The following ADAMTS16 variants were observed in gnomAD, a reference collection of about 807,000 sequenced individuals.
ADAMTS16 encodes the protein ADAM metallopeptidase with thrombospondin type 1 motif 16, also known as A disintegrin and metalloproteinase with thrombospondin motifs 16.
Under a neutral mutation model 145.8 loss-of-function variants are expected in ADAMTS16, and 94 were observed. That is an observed-to-expected ratio of 0.64 (90% CI 0.55 to 0.77). The LOEUF (loss-of-function observed/expected upper bound fraction) is 0.77. Among genes scored for constraint, ADAMTS16 ranks in the 30% least tolerant of loss-of-function variants. The probability of loss-of-function intolerance (pLI) is 0.00; values close to 1 mark genes in which losing one functional copy is unlikely to be tolerated. For missense variants in ADAMTS16, 1,585 were observed against 1,591.5 expected (o/e 1.00, Z 0.07); for synonymous variants, 659 against 604.3 (o/e 1.09, Z -1.33).
intron 8 of ADAMTS16, among the ~76,000 whole-genome samples, chr5:5,193,231 A>G (rs1181096695): frequency 6.6e-6 from 1 of 152,022 alleles, no homozygotes; most frequent in African/African-American, 2.4e-5. Context: ...GTTTAATGGA[A>G]TTCCACGAAG....
intron 7 of ADAMTS16, 101 bp downstream of exon 7, chr5:5,190,231 A>G (rs1329695875): frequency 7.7e-7 from 1 of 1,296,654 alleles, no homozygotes; most frequent in East Asian, 2.6e-5. Context: ...GTTAATAAGC[A>G]GTAGCAGCTT....
chr5:5,161,235 T>C (rs1405605041), intron 3 of ADAMTS16, among the ~76,000 whole-genome samples: 1 of 152,234 alleles, frequency 6.6e-6, no homozygotes, highest in African/African-American at 2.4e-5. Context: ...ATCCTGTTAT[T>C]TGGCAATTAT....
At chr5:5,305,592 C>T (rs374074929) in intron 20 of ADAMTS16, among the ~76,000 whole-genome samples, 6 of 152,052 alleles carry the variant, frequency 3.9e-5, no homozygotes, top group African/African-American at 7.2e-5. Context: ...CCTGGATCAG[C>T]GAGCAACCAA....
intron 17 of ADAMTS16, among the ~76,000 whole-genome samples, chr5:5,248,132 G>C (rs1737509078): frequency 6.6e-6 from 1 of 152,144 alleles, no homozygotes; most frequent in Non-Finnish European, 1.5e-5. Flanking sequence ...ATGTAATTTT[G>C]CTTACAGAAT....
At chr5:5,303,143 G>A (rs1449939033) in intron 18 of ADAMTS16, 125 bp from the exon 19 acceptor site, 2 of 1,079,042 alleles carry the variant, frequency 1.9e-6, no homozygotes, top group South Asian at 3.7e-5. Context: ...AGGTGGAACT[G>A]AAAATAACGG....
In ADAMTS16 at chr5:5,152,482, A is replaced by G. The variant is rs546494591; in HGVS notation, c.501+6027A>G. ...AGAAGACAAACAAGTTCTGTTGGCC[A>G]TGCCTGCCTGGAACAGAGCTTCTGC... is the stretch of plus-strand genomic sequence containing the variant. On this transcript the variant is annotated intron_variant, in intron 3 of 22. Transcript: ENST00000274181. Among the ~76,000 whole-genome samples, 15 of 152,354 alleles carry G rather than the reference A, an allele frequency of 9.8e-5. No homozygotes were observed. In the South Asian group the frequency reaches 1.5e-3, roughly 15 times the overall value.
chr5:5,251,009 C>T (rs747547645), intron 17 of ADAMTS16, among the ~76,000 whole-genome samples: 5 of 152,126 alleles, frequency 3.3e-5, no homozygotes, highest in Non-Finnish European at 5.9e-5. Context: ...TCAGAGCAGT[C>T]GGGGCCTCCT....
intron 18 of ADAMTS16, among the ~76,000 whole-genome samples, chr5:5,291,792 T>C (rs1011833758): frequency 6.6e-6 from 1 of 152,156 alleles, no homozygotes; most frequent in African/African-American, 2.4e-5. Context: ...GCTATAACTT[T>C]ATGGATTTCT....
intron 18 of ADAMTS16, among the ~76,000 whole-genome samples, chr5:5,291,151 A>G (rs991186380): frequency 6.6e-6 from 1 of 152,146 alleles, no homozygotes; most frequent in African/African-American, 2.4e-5. Flanking sequence ...ATGCCGGAAA[A>G]TCACTGAGAG....
intron 21 of ADAMTS16, among the ~76,000 whole-genome samples, chr5:5,314,211 C>T (rs1232578162): frequency 6.6e-6 from 1 of 152,168 alleles, no homozygotes. Flanking sequence ...CACCAAGGCC[C>T]TCAGGAGGAA....
intron 10 of ADAMTS16, among the ~76,000 whole-genome samples, chr5:5,215,337 G>A (rs935683215): frequency 2.2e-4 from 33 of 152,200 alleles, no homozygotes; most frequent in African/African-American, 6.5e-4. Flanking sequence ...AACATCAATT[G>A]TAACTGCATT....
chr5:5,238,432 C>T (rs1423443520), intron 14 of ADAMTS16, among the ~76,000 whole-genome samples: 1 of 152,248 alleles, frequency 6.6e-6, no homozygotes, highest in South Asian at 2.1e-4. Flanking sequence ...TTCTCATATG[C>T]ATTTCATACG....
At chr5:5,184,494 G>A (rs114310262) in intron 4 of ADAMTS16, among the ~76,000 whole-genome samples, 1 of 152,120 alleles carries the variant, frequency 6.6e-6, no homozygotes, top group Non-Finnish European at 1.5e-5. Context: ...TTCTGTCTTG[G>A]TGGAATTCAC....
intron 21 of ADAMTS16, among the ~76,000 whole-genome samples, chr5:5,312,648 G>A (rs780102229): frequency 3.9e-5 from 6 of 152,070 alleles, no homozygotes; most frequent in South Asian, 2.1e-4. Flanking sequence ...GGGTTTTGCC[G>A]TGTTGGCCAG....
intron 12 of ADAMTS16, among the ~76,000 whole-genome samples, chr5:5,234,684 A>G (rs1277248927): frequency 1.3e-5 from 2 of 152,122 alleles, no homozygotes; most frequent in Non-Finnish European, 2.9e-5. Flanking sequence ...ATCCTAGCCA[A>G]CATGGTGAAA....
intron 17 of ADAMTS16, among the ~76,000 whole-genome samples, chr5:5,246,234 T>C (rs1414064281): frequency 6.6e-6 from 1 of 152,240 alleles, no homozygotes; most frequent in Non-Finnish European, 1.5e-5. Flanking sequence ...TATTAAAATT[T>C]GACCTGTGTC....
chr5:5,271,369 G>T (rs1738467389), intron 18 of ADAMTS16, among the ~76,000 whole-genome samples: 2 of 152,232 alleles, frequency 1.3e-5, no homozygotes, highest in Non-Finnish European at 2.9e-5. Context: ...CCAGGACCGG[G>T]GAGCTGTGCA....
chr5:5,170,329 G>C lies in ADAMTS16; in HGVS notation c.502-11715G>C, dbSNP rs561538112. On this transcript the variant is annotated intron_variant, in intron 3 of 22. Transcript: ENST00000274181. ...GTTTGCCATTTGTATGTCTTCTCTC[G>C]AGAAACGTCTATTCATATCTTTTGC... Among the ~76,000 whole-genome samples, 5 of 152,040 alleles carry C rather than the reference G, an allele frequency of 3.3e-5. No individual in the cohort carries two copies. In the East Asian group the frequency reaches 9.7e-4, roughly 29 times the overall value.
rs1308822484 is a variant in ADAMTS16, at chr5:5,189,997, A to G, written c.1074A>G (p.Ala358=). ...CAGGACTGGTGATAAGTCACCACGC[A>G]GACCACACCTTAAGTAGCTTCTGCC... is the stretch of plus-strand genomic sequence containing the variant. ...EQPGLVISHH[A]DHTLSSFCQW... The change falls in exon 7 of 23, where the codon GCA becomes GCG. Residue 358 remains alanine (A), a synonymous_variant. Coordinates refer to ENST00000274181, the MANE Select transcript of ADAMTS16 (RefSeq NM_139056.4). 2.5e-6 allele frequency: 4 copies of G among 1,611,598 alleles called. No homozygotes were observed. Among genetic ancestry groups the G allele is most frequent in the African/African-American group, 2.7e-5 (2 of 74,814 alleles).
Sources: gnomAD v4.1 joint callset for allele counts (sites outside exome capture counted in the v4.1 genomes callset) on GRCh38, gnomAD v4.1.1 for gene constraint, MANE v1.5 for transcripts, NCBI Gene and HGNC (gene_info 2026-07-23, HGNC 2026-07-21) for gene names.